The following DCLK2 variants were observed in gnomAD, a reference collection of about 807,000 sequenced individuals.
DCLK2 encodes doublecortin like kinase 2, also known as serine/threonine-protein kinase DCLK2.
In DCLK2, 31 loss-of-function variants were observed where a neutral mutation model predicts 78.4. That is an observed-to-expected ratio of 0.40 (90% CI 0.30 to 0.53). The LOEUF is 0.53. Among genes scored for constraint, DCLK2 ranks in the 20% least tolerant of loss-of-function variants. DCLK2 has a pLI of 0.61. For missense variants in DCLK2, 872 were observed against 973.7 expected (o/e 0.90, Z 1.39); for synonymous variants, 407 against 374.9 (o/e 1.09, Z -0.99).
intron 2 of DCLK2, among the ~76,000 whole-genome samples, chr4:150,156,472 C>T (rs1326695979): frequency 6.9e-6 from 1 of 143,978 alleles, no homozygotes; most frequent in Admixed American, 7.4e-5. Context: ...CATAGTGAGG[C>T]CGTCTCTACC....
rs1218149460 is a variant in DCLK2, at chr4:150,181,543, A to G, written c.757-11595A>G. On this transcript the variant is annotated intron_variant, in intron 2 of 15. Transcript: ENST00000296550. ...CTAAAGCCAAATCTTTGGTCTCAGT[A>G]TTCCATGATTGGTCTTAACTGGTGA... Among the ~76,000 whole-genome samples, 4 of 152,070 alleles carry G rather than the reference A, an allele frequency of 2.6e-5. No individual in the cohort carries two copies. The East Asian group carries it at 7.7e-4, about 29-fold the overall frequency.
At chr4:150,119,780 T>C (rs968277550) in intron 2 of DCLK2, among the ~76,000 whole-genome samples, 2 of 152,158 alleles carry the variant, frequency 1.3e-5, no homozygotes, top group African/African-American at 4.8e-5. Context: ...AAATTTTTTT[T>C]AGTGAGTAGC....
intron 1 of DCLK2, among the ~76,000 whole-genome samples, chr4:150,095,447 A>G (rs901131452): frequency 6.6e-6 from 1 of 152,216 alleles, no homozygotes; most frequent in African/African-American, 2.4e-5. Flanking sequence ...GTTGTTGCAT[A>G]TAGCTCTCAT....
At chr4:150,250,716 G>A (rs892649422) in intron 15 of DCLK2, among the ~76,000 whole-genome samples, 3 of 151,646 alleles carry the variant, frequency 2.0e-5, no homozygotes, top group Non-Finnish European at 2.9e-5. Context: ...TCATCCTCTG[G>A]GAAGGTCCTC....
intron 12 of DCLK2, among the ~76,000 whole-genome samples, chr4:150,242,116 G>T (rs759774486): frequency 1.6e-4 from 24 of 152,156 alleles, no homozygotes; most frequent in Admixed American, 1.3e-4. Context: ...TTCCCATTGC[G>T]TTGAACAATT....
chr4:150,192,496 C>G (rs200336940), intron 2 of DCLK2, among the ~76,000 whole-genome samples: 1 of 75,944 alleles, frequency 1.3e-5, no homozygotes, highest in Admixed American at 1.3e-4. Context: ...AAAAAAAAAA[C>G]AAGTGAAATT....
intron 2 of DCLK2, among the ~76,000 whole-genome samples, chr4:150,121,446 A>G (rs922304700): frequency 6.6e-6 from 1 of 152,152 alleles, no homozygotes; most frequent in African/African-American, 2.4e-5. Flanking sequence ...ATTCTATTGA[A>G]GTTTTATCAA....
chr4:150,102,821 C>T lies in DCLK2; in HGVS notation c.756+9C>T, dbSNP rs761622016. 2 of 1,584,730 alleles carry T rather than the reference C, an allele frequency of 1.3e-6. No homozygotes were observed. Among genetic ancestry groups the T allele is most frequent in the South Asian group, 1.1e-5 (1 of 87,248 alleles). On this transcript the variant is annotated intron_variant, in intron 2 of 15. Transcript: ENST00000296550. ...CCCTGGATGGAAAGCAGGTAAGATGCTTCTAGCTCCCAGCTCTCCATCTGA... is the reference window on the plus strand; with the variant it reads ...CCCTGGATGGAAAGCAGGTAAGATGTTTCTAGCTCCCAGCTCTCCATCTGA...
At chr4:150,250,686 T>A (rs555610673) in intron 15 of DCLK2, among the ~76,000 whole-genome samples, 1 of 151,616 alleles carries the variant, frequency 6.6e-6, no homozygotes, top group East Asian at 1.9e-4. Context: ...GCTCCGTCAC[T>A]CGTACTTGGG....
chr4:150,246,344 G>A (rs1180847375), intron 12 of DCLK2, among the ~76,000 whole-genome samples: 2 of 152,144 alleles, frequency 1.3e-5, no homozygotes, highest in Non-Finnish European at 2.9e-5. Flanking sequence ...ATCACACCCA[G>A]CCAACTCTGC....
At chr4:150,086,694 G>A (rs939765341) in intron 1 of DCLK2, among the ~76,000 whole-genome samples, 2 of 152,060 alleles carry the variant, frequency 1.3e-5, no homozygotes, top group African/African-American at 2.4e-5. Flanking sequence ...TTTTAGTAGA[G>A]ATGGGTTTTC....
intron 2 of DCLK2, among the ~76,000 whole-genome samples, chr4:150,118,786 C>T (rs1264745973): frequency 6.6e-6 from 1 of 152,028 alleles, no homozygotes; most frequent in African/African-American, 2.4e-5. Flanking sequence ...CCTGGCCAGG[C>T]TGGTCATGAA....
intron 1 of DCLK2, among the ~76,000 whole-genome samples, chr4:150,097,814 T>C (rs1730574043): frequency 6.6e-6 from 1 of 152,236 alleles, no homozygotes; most frequent in African/African-American, 2.4e-5. Context: ...ATAGTACTCA[T>C]ATGATCGGGA....
At chr4:150,088,052 T>G (rs764605268) in intron 1 of DCLK2, among the ~76,000 whole-genome samples, 1 of 152,124 alleles carries the variant, frequency 6.6e-6, no homozygotes, top group Non-Finnish European at 1.5e-5. Context: ...GGGTATTGTT[T>G]TCTGAGCCCC....
intron 15 of DCLK2, among the ~76,000 whole-genome samples, chr4:150,254,838 C>G (rs1434323746): frequency 6.6e-6 from 1 of 152,136 alleles, no homozygotes; most frequent in South Asian, 2.1e-4. Context: ...CGCCACCTTG[C>G]CCGGCTAATT....
chr4:150,146,500 G>A (rs924589733), intron 2 of DCLK2, among the ~76,000 whole-genome samples: 4 of 152,148 alleles, frequency 2.6e-5, no homozygotes, highest in African/African-American at 9.6e-5. Flanking sequence ...TTTTCTTAGA[G>A]AATTTATAAA....
intron 2 of DCLK2, among the ~76,000 whole-genome samples, chr4:150,186,601 G>T (rs909282614): frequency 2.0e-5 from 3 of 152,196 alleles, no homozygotes; most frequent in Non-Finnish European, 4.4e-5. Flanking sequence ...ATTAATGTTA[G>T]AATGAATGAA....
chr4:150,079,382 G>C lies in DCLK2; in HGVS notation c.355G>C (p.Gly119Arg). Residue 119 changes from glycine (G) to arginine (R), a missense_variant, in exon 1 of 16, where the codon GGT becomes CGT. Transcript: ENST00000296550. Reference protein sequence around the residue: ...SLSDNVNLPQGVRTIYTIDGS... With the variant: ...SLSDNVNLPQRVRTIYTIDGS... ...GTCGGACAACGTGAACCTGCCCCAGGGTGTCCGCACTATCTACACCATCGA... is the reference window on the plus strand; with the variant it reads ...GTCGGACAACGTGAACCTGCCCCAGCGTGTCCGCACTATCTACACCATCGA... 1 of 1,589,948 alleles carries C rather than the reference G, an allele frequency of 6.3e-7. No homozygotes were observed. The highest frequency in any genetic ancestry group is 8.6e-7 in the Non-Finnish European group (1 of 1,168,286).
At chr4:150,205,884 A>G (rs968642279) in intron 5 of DCLK2, among the ~76,000 whole-genome samples, 11 of 152,168 alleles carry the variant, frequency 7.2e-5, no homozygotes, top group Non-Finnish European at 1.3e-4. Context: ...CCCCCAGGCC[A>G]TTGCCCCAGG....
Sources: allele counts gnomAD v4.1 joint callset (sites outside exome capture counted in the v4.1 genomes callset), GRCh38; gene constraint gnomAD v4.1.1; transcripts MANE v1.5; gene names NCBI Gene and HGNC (gene_info 2026-07-23, HGNC 2026-07-21).